Variants in ZNF518A observed in about 807,000 individuals in gnomAD.
ZNF518A encodes zinc finger protein 518A.
A neutral mutation model predicts 102.7 loss-of-function variants in ZNF518A; 47 were observed. That is an observed-to-expected ratio of 0.46 (90% CI 0.36 to 0.58). The LOEUF is 0.58. ZNF518A is among the 20% of genes least tolerant of loss of function. The pLI, the probability that ZNF518A is intolerant of heterozygous loss-of-function variation, is 0.00. For synonymous variants in ZNF518A, 652 were observed against 594.6 expected (o/e 1.10, Z -1.40); for missense variants, 1,793 against 1,699.8 (o/e 1.05, Z -0.96).
rs782136724 is a variant in ZNF518A at position 96,158,154 on chromosome 10, A to G, written c.1832A>G (p.Asn611Ser). 6.8e-6 allele frequency: 11 copies of G among 1,613,500 alleles called. No individual in the cohort carries two copies. Among genetic ancestry groups the G allele is most frequent in the East Asian group, 6.7e-5 (3 of 44,880 alleles). ...VNCVAKPNAY[N>S]SGDMHNYCIN... ...TGTGTTGCCAAACCAAATGCATACA[A>G]CAGTGGAGATATGCATAATTATTGC... The change falls in exon 6 of 6, where the codon AAC becomes AGC. Residue 611 changes from asparagine (N) to serine (S), a missense_variant. By Grantham distance (46) the Asn-to-Ser change is conservative. Coordinates refer to ENST00000316045, the MANE Select transcript of ZNF518A (RefSeq NM_001330736.2).
In ZNF518A at chr10:96,197,437, T is replaced by C. The variant is rs587724147; in HGVS notation, n.36-6137T>C. Among the ~76,000 whole-genome samples, 800 of 152,264 alleles carry C rather than the reference T, an allele frequency of 5.3e-3. 6 individuals carry two copies. The highest frequency in any genetic ancestry group is 0.012 in the South Asian group (60 of 4,822). ...CTCCCACCTCAGCCTCCTGAGTACC[T>C]GGGACTACTGGCATGCACCACCATG... On this transcript the variant is annotated intron_variant and non_coding_transcript_variant, in intron 1 of 2. Transcript: ENST00000442635.
chr10:96,176,713 T>C (rs1249118053), intron 1 of ZNF518A, among the ~76,000 whole-genome samples: 1 of 152,166 alleles, frequency 6.6e-6, no homozygotes, highest in East Asian at 1.9e-4. Flanking sequence ...CTGACCAACA[T>C]GGTGAAACTC....
chr10:96,163,820 T>C (rs1254960463), downstream of ZNF518A: 1 of 166,818 alleles, frequency 6.0e-6, no homozygotes, highest in Non-Finnish European at 1.5e-5. Flanking sequence ...TTGAATTCCC[T>C]AGAGTCTGCT....
At chr10:96,204,632 TATC>T, downstream of ZNF518A, 5 of 1,612,682 alleles carry the variant, frequency 3.1e-6, no homozygotes, top group Non-Finnish European at 4.2e-6. Flanking sequence ...TCAGGAAAAT[TATC>T]ATATTAGGAT....
chr10:96,184,566 A>T (rs1424517477), intron 1 of ZNF518A, among the ~76,000 whole-genome samples: 8 of 152,188 alleles, frequency 5.3e-5, no homozygotes, highest in Admixed American at 4.6e-4. Context: ...TATGAAGCTT[A>T]GTTTGGCTGG....
intron 1 of ZNF518A, among the ~76,000 whole-genome samples, chr10:96,169,020 A>G (rs1738503261): frequency 6.6e-6 from 1 of 151,912 alleles, no homozygotes; most frequent in South Asian, 2.1e-4. Flanking sequence ...TGCTGGTATT[A>G]TTACTAACTT....
intron 1 of ZNF518A, among the ~76,000 whole-genome samples, chr10:96,186,333 T>G (rs923512892): frequency 6.6e-5 from 10 of 152,346 alleles, no homozygotes; most frequent in African/African-American, 2.4e-4. Flanking sequence ...GAGCTGTTAC[T>G]ATTCAGCCAT....
chr10:96,146,063 A>G (rs1483806765), intron 3 of ZNF518A, among the ~76,000 whole-genome samples: 1 of 152,068 alleles, frequency 6.6e-6, no homozygotes, highest in Non-Finnish European at 1.5e-5. Flanking sequence ...TCCATCTATC[A>G]GTATTTGAAC....
At chr10:96,182,315 C>A (rs1186907702) in intron 1 of ZNF518A, among the ~76,000 whole-genome samples, 40 of 152,158 alleles carry the variant, frequency 2.6e-4, no homozygotes, top group Admixed American at 2.6e-3. Flanking sequence ...ATTGAATACC[C>A]TTTATTTCTT....
At position 96,179,787 on chromosome 10, in the gene ZNF518A, TTCC is replaced by T. The variant is rs782467070; in HGVS notation, n.35+23758_35+23760del. Among the ~76,000 whole-genome samples the T allele has an allele frequency of 3.0e-3, 456 of 151,514 alleles. 1 individual carries two copies. Among genetic ancestry groups the T allele is most frequent in the African/African-American group, 4.6e-3 (190 of 41,368 alleles). Reference sequence around the variant, plus strand: ...CTTCTTCTTCTTCTTCCTTTTCTTCTTCCTCCTCCTCCTCCTCCTCTCCTCCTT... The same window carrying T: ...CTTCTTCTTCTTCTTCCTTTTCTTCTTCCTCCTCCTCCTCCTCTCCTCCTT... On this transcript the variant is annotated intron_variant and non_coding_transcript_variant, in intron 1 of 2. Coordinates refer to the ZNF518A transcript ENST00000442635.
At chr10:96,180,502 C>G (rs979767642) in intron 1 of ZNF518A, among the ~76,000 whole-genome samples, 4 of 152,130 alleles carry the variant, frequency 2.6e-5, no homozygotes, top group Admixed American at 6.5e-5. Context: ...CTCCTCCCCC[C>G]ACCCCACAAT....
At chr10:96,194,622 C>T (rs1205692952) in intron 1 of ZNF518A, among the ~76,000 whole-genome samples, 2 of 151,962 alleles carry the variant, frequency 1.3e-5, no homozygotes. Context: ...TATCCAGAAA[C>T]ATAAAGAACT....
At chr10:96,142,274 A>G (rs2133325571) in intron 3 of ZNF518A, among the ~76,000 whole-genome samples, 1 of 151,852 alleles carries the variant, frequency 6.6e-6, no homozygotes, top group South Asian at 2.1e-4. Context: ...GGGCACTAAA[A>G]TAGATTCTGC....
intron 1 of ZNF518A, chr10:96,199,568 G>A (rs782651762): frequency 2.2e-5 from 10 of 457,062 alleles, no homozygotes; most frequent in Non-Finnish European, 4.4e-5. Context: ...GAAATGAGAT[G>A]GAGGAACTTG....
rs2083022765 is a variant in ZNF518A, at chr10:96,162,109, C to T, written c.*1335C>T. The T allele has an allele frequency of 6.0e-6, 1 of 166,840 alleles. No homozygotes were observed. Among genetic ancestry groups the T allele is most frequent in the Admixed American group, 6.6e-5 (1 of 15,264 alleles). 10.3% of individuals were successfully genotyped at this position (166,840 alleles called of 1,614,324 possible). The stretch of plus-strand genomic sequence containing the variant: ...TTGTTACAAGTGTTAATGACATTTT[C>T]ATTAATGGATGAAAACTTCAGGGCT... On this transcript the variant is annotated 3_prime_UTR_variant, in exon 6 of 6. Coordinates refer to ENST00000316045, the MANE Select transcript of ZNF518A (RefSeq NM_001330736.2).
In ZNF518A at chr10:96,159,244, G is replaced by A. The variant is rs1395011338; in HGVS notation, c.2922G>A (p.Lys974=). ...QGIPASLFVN[K]KPGMVLTLNN... is the part of the protein sequence containing the mutation. ...TCCCTGCTTCTCTTTTTGTAAACAA[G>A]AAACCTGGGATGGTTTTAACACTTA... is the stretch of plus-strand genomic sequence containing the variant. Residue 974 remains lysine (K), a synonymous_variant, in exon 6 of 6, where the codon AAG becomes AAA. Coordinates refer to ENST00000316045, the MANE Select transcript of ZNF518A (RefSeq NM_001330736.2). The A allele has an allele frequency of 6.3e-5, 101 of 1,613,324 alleles. No homozygotes were observed. Among genetic ancestry groups the A allele is most frequent in the Non-Finnish European group, 8.4e-5 (99 of 1,179,692 alleles).
At chr10:96,180,320 A>C (rs1296638352) in intron 1 of ZNF518A, among the ~76,000 whole-genome samples, 1 of 150,618 alleles carries the variant, frequency 6.6e-6, no homozygotes, top group African/African-American at 2.4e-5. Context: ...CACTGTACCC[A>C]GCCTTGAGCT....
At chr10:96,176,139 C>T (rs1319169360) in intron 1 of ZNF518A, among the ~76,000 whole-genome samples, 1 of 151,974 alleles carries the variant, frequency 6.6e-6, no homozygotes, top group Non-Finnish European at 1.5e-5. Flanking sequence ...CTATGTTGCC[C>T]AGGCTGGTCT....
At chr10:96,143,107 C>T (rs1338226278) in intron 3 of ZNF518A, among the ~76,000 whole-genome samples, 1 of 152,142 alleles carries the variant, frequency 6.6e-6, no homozygotes, top group East Asian at 1.9e-4. Context: ...CGCTCCCAGC[C>T]GTGATTTCTG....
Sources: gnomAD v4.1 joint callset for allele counts (sites outside exome capture counted in the v4.1 genomes callset) on GRCh38, gnomAD v4.1.1 for gene constraint, MANE v1.5 for transcripts, NCBI Gene and HGNC (gene_info 2026-07-23, HGNC 2026-07-21) for gene names.